TOPAZ1: variants seen among roughly 807,000 people sequenced by gnomAD.
TOPAZ1 encodes protein TOPAZ1.
Under a neutral mutation model 172.2 loss-of-function variants are expected in TOPAZ1, and 66 were observed. The observed-to-expected ratio is 0.38, with a 90% CI of 0.31 to 0.47. TOPAZ1 has a LOEUF of 0.47. Ranked by LOEUF, TOPAZ1 falls within the 20% of genes least tolerant of loss-of-function variation. The pLI, the probability that TOPAZ1 is intolerant of heterozygous loss-of-function variation, is 0.99. For synonymous variants in TOPAZ1, 681 were observed against 683.9 expected (o/e 1.00, Z 0.07); for missense variants, 1,822 against 1,972.4 (o/e 0.92, Z 1.44).
chr3:44,243,967 T>G lies in TOPAZ1; in HGVS notation c.1461T>G (p.Pro487=). 3.2e-6 allele frequency: 5 copies of G among 1,552,310 alleles called. No homozygotes were observed. The highest frequency in any genetic ancestry group is 4.4e-6 in the Non-Finnish European group (5 of 1,147,074). The change falls in exon 2 of 20, where the codon CCT becomes CCG. Residue 487 remains proline, a synonymous_variant. Coordinates refer to ENST00000309765, the MANE Select transcript of TOPAZ1 (RefSeq NM_001145030.2). ...ELKLSCQRTI[P]MTGKRTWPYY... ...AGTTAAGCTGTCAGAGAACAATACCTATGACTGGTAAAAGAACTTGGCCCT... is the reference window on the plus strand; with the variant it reads ...AGTTAAGCTGTCAGAGAACAATACCGATGACTGGTAAAAGAACTTGGCCCT...
intron 8 of TOPAZ1, among the ~76,000 whole-genome samples, chr3:44,277,082 C>T (rs1699969294): frequency 6.6e-6 from 1 of 152,138 alleles, no homozygotes; most frequent in Admixed American, 6.5e-5. Context: ...TGAGCCACCA[C>T]ACCTGGCCCA....
At chr3:44,293,955 C>T (rs962568972) in intron 12 of TOPAZ1, among the ~76,000 whole-genome samples, 1 of 152,142 alleles carries the variant, frequency 6.6e-6, no homozygotes, top group East Asian at 1.9e-4. Flanking sequence ...GAGAACATAT[C>T]CCCAGCCGGG....
chr3:44,246,638 A>G (rs1699570023), intron 2 of TOPAZ1, among the ~76,000 whole-genome samples: 1 of 152,192 alleles, frequency 6.6e-6, no homozygotes, highest in South Asian at 2.1e-4. Context: ...CACTTGCCCA[A>G]GATCACACTC....
chr3:44,277,417 T>C (rs1000895977), intron 8 of TOPAZ1, among the ~76,000 whole-genome samples: 3 of 152,206 alleles, frequency 2.0e-5, no homozygotes, highest in African/African-American at 4.8e-5. Flanking sequence ...TATTTTTAAA[T>C]ATAAAATCAT....
chr3:44,277,615 G>A (rs1449507397), intron 8 of TOPAZ1, among the ~76,000 whole-genome samples: 1 of 152,080 alleles, frequency 6.6e-6, no homozygotes, highest in Non-Finnish European at 1.5e-5. Flanking sequence ...GATAGAGTTT[G>A]GATATTTGTC....
chr3:44,303,182 G>T (rs148692031), intron 12 of TOPAZ1, among the ~76,000 whole-genome samples: 1 of 152,210 alleles, frequency 6.6e-6, no homozygotes, highest in East Asian at 1.9e-4. Flanking sequence ...AAAGGAGTTA[G>T]AAAATTGTTT....
rs528434346 is a variant in TOPAZ1, at chr3:44,243,826, G to A, written c.1320G>A (p.Met440Ile). 16 of 1,551,708 alleles carry A rather than the reference G, an allele frequency of 1.0e-5. No individual in the cohort carries two copies. The East Asian group carries it at 3.4e-4, about 33-fold the overall frequency. Residue 440 changes from methionine (M) to isoleucine (I), a missense_variant, in exon 2 of 20, where the codon ATG becomes ATA. Around this residue, in one of 2 missense-constraint regions of TOPAZ1, gnomAD observed 1,489 missense variants for 1,490.8 expected, o/e 1.00. Coordinates refer to ENST00000309765, the MANE Select transcript of TOPAZ1 (RefSeq NM_001145030.2). ...CAGAGCCGTTAGGTTATGAAAGCAT[G>A]GCATCGAAAGAGGATTTTAAATCGA... Reference protein sequence around the residue: ...NASEPLGYESMASKEDFKSMK... With the variant: ...NASEPLGYESIASKEDFKSMK...
intron 7 of TOPAZ1, 85 bp from the exon 8 acceptor site, chr3:44,270,596 GTTAT>G (rs1699884873): frequency 1.1e-6 from 1 of 881,300 alleles, no homozygotes; most frequent in Non-Finnish European, 1.6e-6. Flanking sequence ...TGGAATATAT[GTTAT>G]TTGTGTTGCT....
In TOPAZ1 at chr3:44,265,586, T is replaced by C. The variant is rs753492463; in HGVS notation, c.3021-1411T>C. 7.2e-5 allele frequency among the ~76,000 whole-genome samples: 11 copies of C among 152,198 alleles called. No individual in the cohort carries two copies. The Middle Eastern group carries it at 0.014, about 188-fold the overall frequency. On this transcript the variant is annotated intron_variant, in intron 5 of 19. Transcript: ENST00000309765. ...ACAAACACAGAAAAAAACCAAAATA[T>C]TCTTCTCCTTGAGCATGTCCAGCAG...
intron 9 of TOPAZ1, among the ~76,000 whole-genome samples, chr3:44,282,685 T>C (rs1442028950): frequency 6.6e-6 from 1 of 152,150 alleles, no homozygotes. Context: ...TTTATTTATA[T>C]TTGTCACCCT....
At chr3:44,305,017 G>A (rs1700318598) in intron 13 of TOPAZ1, 130 bp from the exon 14 acceptor site, 4 of 633,272 alleles carry the variant, frequency 6.3e-6, no homozygotes, top group African/African-American at 1.9e-5. Context: ...CTTATAAGAT[G>A]TGCAGATTTT....
intron 5 of TOPAZ1, among the ~76,000 whole-genome samples, chr3:44,264,963 A>G (rs1699814250): frequency 6.6e-6 from 1 of 152,242 alleles, no homozygotes; most frequent in South Asian, 2.1e-4. Context: ...CCACATTTGC[A>G]GTGACTTCCA....
Position 44,309,975 on chromosome 3 carries a change from A to T in TOPAZ1, c.4291A>T (p.Ile1431Phe), listed in dbSNP as rs1322679954. 6.5e-7 allele frequency: 1 copy of T among 1,549,216 alleles called. No individual in the cohort carries two copies. Among genetic ancestry groups the T allele is most frequent in the Admixed American group, 2.0e-5 (1 of 50,244 alleles). ...AAAAAGTGGAAGCCTAGATGGTGCC[A>T]TTTGGGTAATGAGGGGTAAGTCCTG... ...FLKSGSLDGA[I>F]WVMRESEWII... is the part of the protein sequence containing the mutation. The change falls in exon 16 of 20, where the codon ATT becomes TTT. Residue 1431 changes from isoleucine to phenylalanine, a missense_variant. By Grantham distance (21) the Ile-to-Phe change is conservative. Coordinates refer to ENST00000309765, the MANE Select transcript of TOPAZ1 (RefSeq NM_001145030.2).
At position 44,267,082 on chromosome 3, in the gene TOPAZ1, C is replaced by G. The variant is rs1414044047; in HGVS notation, c.3106C>G (p.Pro1036Ala). The G allele has an allele frequency of 2.6e-6, 4 of 1,547,840 alleles. No homozygotes were observed. In the African/African-American group the frequency reaches 4.1e-5, roughly 16 times the overall value. The change falls in exon 6 of 20, where the codon CCT becomes GCT. Residue 1036 changes from proline (P) to alanine (A), a missense_variant. Pro to Ala is a conservative substitution (Grantham distance 27). Coordinates refer to ENST00000309765, the MANE Select transcript of TOPAZ1 (RefSeq NM_001145030.2). The stretch of plus-strand genomic sequence containing the variant: ...GAAACCTCTGTGTTTATTAGTACCT[C>G]CTTTGAATCTAAGTGGTCGTCAAGA... ...VPKPLCLLVP[P>A]LNLSGRQEDT...
At chr3:44,258,226 T>A (rs1699737252) in intron 4 of TOPAZ1, among the ~76,000 whole-genome samples, 2 of 152,222 alleles carry the variant, frequency 1.3e-5, no homozygotes, top group African/African-American at 4.8e-5. Context: ...AGCATCCCAC[T>A]TTTAGTTGAG....
chr3:44,335,408 G>A (rs1434834625), downstream of TOPAZ1, among the ~76,000 whole-genome samples: 2 of 151,928 alleles, frequency 1.3e-5, no homozygotes, highest in East Asian at 1.9e-4. Context: ...GTCAGATCAC[G>A]AGGTCAGGAG....
In TOPAZ1 at chr3:44,267,134, A is replaced by G; in HGVS notation, c.3158A>G (p.Asn1053Ser). The change falls in exon 6 of 20, where the codon AAT becomes AGT. Residue 1053 changes from asparagine to serine, a missense_variant and splice_region_variant. Physicochemically the swap from Asn to Ser is conservative, Grantham distance 46 (BLOSUM62 1). This residue lies in a region of TOPAZ1 where 1,489 missense variants were observed against 1,490.8 expected (regional missense o/e 1.00). Coordinates refer to ENST00000309765, the MANE Select transcript of TOPAZ1 (RefSeq NM_001145030.2). Reference protein sequence around the residue: ...QEDTILNTWMNDFRFLGKHSV... With the variant: ...QEDTILNTWMSDFRFLGKHSV... Reference sequence around the variant, plus strand: ...GACACAATACTGAATACCTGGATGAATGGTACTATTTGTTTTCTTAATGAA... The same window carrying G: ...GACACAATACTGAATACCTGGATGAGTGGTACTATTTGTTTTCTTAATGAA... The G allele has an allele frequency of 2.0e-6, 3 of 1,526,334 alleles. No individual in the cohort carries two copies. The highest frequency in any genetic ancestry group is 2.6e-6 in the Non-Finnish European group (3 of 1,138,170). 94.5% of individuals were successfully genotyped at this position (1,526,334 alleles called of 1,614,324 possible).
At chr3:44,291,661 T>A (rs6803491) in intron 12 of TOPAZ1, among the ~76,000 whole-genome samples, 70,384 of 147,900 alleles carry the variant, frequency 0.48, 17,530 homozygotes, top group East Asian at 0.81. Context: ...GGTACCATAA[T>A]GTACTTACAC....
At position 44,270,679 on chromosome 3, in the gene TOPAZ1, T is replaced by C. The variant is rs368503647; in HGVS notation, c.3247-6T>C. Reference sequence around the variant, plus strand: ...ATACAGAAAGTGAATCTTTCTAATTTTCTAGGTGTTCCAGAAGTCCCTAGG... The same window carrying C: ...ATACAGAAAGTGAATCTTTCTAATTCTCTAGGTGTTCCAGAAGTCCCTAGG... On this transcript the variant is annotated splice_polypyrimidine_tract_variant and splice_region_variant and intron_variant, in intron 7 of 19. Coordinates refer to ENST00000309765, the MANE Select transcript of TOPAZ1 (RefSeq NM_001145030.2). The C allele has an allele frequency of 6.5e-7, 1 of 1,535,506 alleles. No homozygotes were observed. The highest frequency in any genetic ancestry group is 1.4e-5 in the African/African-American group (1 of 72,448).
Sources: allele counts gnomAD v4.1 joint callset (sites outside exome capture counted in the v4.1 genomes callset), GRCh38; gene constraint gnomAD v4.1.1; regional missense constraint gnomAD v4.1.1; transcripts MANE v1.5; gene names NCBI Gene and HGNC (gene_info 2026-07-23, HGNC 2026-07-21).